ARHGAP28: variants seen among roughly 807,000 people sequenced by gnomAD.
The protein encoded by ARHGAP28 is Rho GTPase activating protein 28, also known as rho GTPase-activating protein 28.
Under a neutral mutation model 90.7 loss-of-function variants are expected in ARHGAP28, and 56 were observed. The ratio of observed to expected loss-of-function variants is 0.62; its 90% CI spans 0.50 to 0.77. The LOEUF is 0.77. Ranked by LOEUF, ARHGAP28 falls within the 30% of genes least tolerant of loss-of-function variation. The pLI is 0.00. For synonymous variants in ARHGAP28, 308 were observed against 323.3 expected (o/e 0.95, Z 0.51); for missense variants, 869 against 900.9 (o/e 0.96, Z 0.45).
chr18:6,901,552 A>C (rs1023939780), intron 16 of ARHGAP28, among the ~76,000 whole-genome samples: 2 of 152,056 alleles, frequency 1.3e-5, no homozygotes, highest in Non-Finnish European at 1.5e-5. Context: ...AAAAAAAAAA[A>C]AAAAACAGCC....
chr18:6,731,623 G>T (rs1449199751), intron 1 of ARHGAP28, among the ~76,000 whole-genome samples: 1 of 152,138 alleles, frequency 6.6e-6, no homozygotes, highest in African/African-American at 2.4e-5. Context: ...CTCTGTCTAT[G>T]GGAGCCTTGG....
intron 1 of ARHGAP28, among the ~76,000 whole-genome samples, chr18:6,809,710 A>G (rs1455077442): frequency 1.3e-5 from 2 of 152,160 alleles, no homozygotes; most frequent in Non-Finnish European, 2.9e-5. Flanking sequence ...GTGCTAAACC[A>G]TTAGAAACCA....
chr18:6,841,592 A>T (rs1022638202), intron 3 of ARHGAP28, among the ~76,000 whole-genome samples: 16 of 152,062 alleles, frequency 1.1e-4, no homozygotes, highest in African/African-American at 3.9e-4. Context: ...TTCTTCTCTT[A>T]ATTTTTTTTT....
intron 1 of ARHGAP28, among the ~76,000 whole-genome samples, chr18:6,787,423 G>C (rs979752145): frequency 1.3e-5 from 2 of 152,032 alleles, no homozygotes; most frequent in Non-Finnish European, 2.9e-5. Flanking sequence ...CAATGAGAAT[G>C]GTTATTAAGA....
chr18:6,802,335 C>CTTTTTTTTTTT lies in ARHGAP28; in HGVS notation c.123-22409_123-22399dup, dbSNP rs35950139. On this transcript the variant is annotated intron_variant, in intron 1 of 17. Transcript: ENST00000383472. ...GGATCATATGGATCATATGGTAGTT[C>CTTTTTTTTTTT]TTTTTTTTTTTTTTTTTTTTTTTTT... Among the ~76,000 whole-genome samples, 11 of 52,762 alleles carry CTTTTTTTTTTT rather than the reference C, an allele frequency of 2.1e-4. 3 individuals carry two copies. The highest frequency in any genetic ancestry group is 4.5e-4 in the African/African-American group (6 of 13,308). 34.6% of individuals were successfully genotyped at this position (52,762 alleles called of 152,430 possible).
At chr18:6,868,610 TG>T (rs1238039998) in intron 6 of ARHGAP28, among the ~76,000 whole-genome samples, 1 of 41,336 alleles carries the variant, frequency 2.4e-5, no homozygotes, top group Non-Finnish European at 8.7e-5. Context: ...CAGAGCAGCT[TG>T]CCCCCTGACA....
chr18:6,826,928 G>T (rs1049547800), intron 2 of ARHGAP28, among the ~76,000 whole-genome samples: 1 of 152,038 alleles, frequency 6.6e-6, no homozygotes, highest in African/African-American at 2.4e-5. Flanking sequence ...GTTTAACAAA[G>T]CACATCTTGC....
rs1225045075 is a variant in ARHGAP28 at position 6,913,834 on chromosome 18, G to A, written c.*1680G>A. ...ATTCATTTTTAATGTATGGGTAATT[G>A]GTGGCACATGACTTTACATAATGAC... On this transcript the variant is annotated 3_prime_UTR_variant, in exon 18 of 18. Transcript: ENST00000383472. The A allele has an allele frequency of 1.3e-5, 2 of 151,626 alleles. No individual in the cohort carries two copies. The highest frequency in any genetic ancestry group is 2.4e-5 in the African/African-American group (1 of 41,212). The allele number at this position is 151,626 out of a possible 1,614,324, so 9.4% of individuals were successfully genotyped here. A position where few individuals can be genotyped will look rare whatever the true frequency, so the allele number is the denominator to read the frequency against.
At position 6,840,709 on chromosome 18, in the gene ARHGAP28, G is replaced by C. The variant is rs1035888207; in HGVS notation, c.543+3295G>C. On this transcript the variant is annotated intron_variant, in intron 3 of 17. Transcript: ENST00000383472. ...CTGCTGCTGAAGTCTCAGTTCTAGA[G>C]AGAATTGAGAATGGGGACTAAGGAA... Among the ~76,000 whole-genome samples the C allele has an allele frequency of 4.6e-5, 7 of 152,158 alleles. 1 individual carries two copies.
At chr18:6,904,718 A>C (rs1193431990) in intron 16 of ARHGAP28, among the ~76,000 whole-genome samples, 1 of 152,182 alleles carries the variant, frequency 6.6e-6, no homozygotes, top group Non-Finnish European at 1.5e-5. Flanking sequence ...GATGACACAA[A>C]TCAAGAATAT....
At chr18:6,762,347 C>T (rs2056167209) in intron 1 of ARHGAP28, among the ~76,000 whole-genome samples, 1 of 152,312 alleles carries the variant, frequency 6.6e-6, no homozygotes, top group East Asian at 1.9e-4. Flanking sequence ...TTTTATACCA[C>T]CTTATAAGGC....
intron 2 of ARHGAP28, among the ~76,000 whole-genome samples, chr18:6,835,909 T>C (rs1179358639): frequency 6.6e-6 from 1 of 152,190 alleles, no homozygotes; most frequent in African/African-American, 2.4e-5. Flanking sequence ...ATTATTACTC[T>C]CACTGTTGTA....
chr18:6,852,099 A>G (rs79124352), intron 4 of ARHGAP28, among the ~76,000 whole-genome samples: 2,828 of 152,280 alleles, frequency 0.019, 98 homozygotes, highest in African/African-American at 0.065. Context: ...AAGTCCATTG[A>G]ACGTCTTATA....
chr18:6,890,043 C>T lies in ARHGAP28; in HGVS notation c.1692C>T (p.His564=), dbSNP rs1050488106. 15 of 1,614,106 alleles carry T rather than the reference C, an allele frequency of 9.3e-6. No individual in the cohort carries two copies. Among genetic ancestry groups the T allele is most frequent in the Non-Finnish European group, 1.3e-5 (15 of 1,180,052 alleles). ...TACTGTTAGCAAACACTGCGGCCCACATCATCCGCCTAATGCTTAAGTACC... is the reference window on the plus strand; with the variant it reads ...TACTGTTAGCAAACACTGCGGCCCATATCATCCGCCTAATGCTTAAGTACC... ...EELLLANTAA[H]IIRLMLKYQK... The change falls in exon 13 of 18, where the codon CAC becomes CAT. Residue 564 remains histidine (H), a synonymous_variant. Coordinates refer to ENST00000383472, the MANE Select transcript of ARHGAP28 (RefSeq NM_001366230.1).
At chr18:6,911,289 A>C (rs1357659445) in intron 17 of ARHGAP28, among the ~76,000 whole-genome samples, 1 of 152,202 alleles carries the variant, frequency 6.6e-6, no homozygotes, top group Non-Finnish European at 1.5e-5. Context: ...AAGAAACAAA[A>C]TGACCATTCC....
In ARHGAP28 at chr18:6,868,220, A is replaced by G. The variant is rs1299718655; in HGVS notation, c.797A>G (p.Gln266Arg). Residue 266 changes from glutamine (Q) to arginine (R), a missense_variant, in exon 6 of 18, where the codon CAG (glutamine) becomes CGG (arginine). Coordinates refer to ENST00000383472, the MANE Select transcript of ARHGAP28 (RefSeq NM_001366230.1). ...NGSPEPGQPVQNAISDDDFLE... is the reference protein window; with the variant it reads ...NGSPEPGQPVRNAISDDDFLE... ...TCACCGGAGCCTGGACAGCCAGTTC[A>G]GAATGCGATAAGTGGTGAGCGGCAT... 1.1e-5 allele frequency: 18 copies of G among 1,614,148 alleles called. No individual in the cohort carries two copies. Among genetic ancestry groups the G allele is most frequent in the Admixed American group, 1.7e-5 (1 of 60,026 alleles).
At chr18:6,824,663 T>G (rs988711377) in intron 1 of ARHGAP28, 99 bp from the exon 2 acceptor site, 6 of 1,103,098 alleles carry the variant, frequency 5.4e-6, no homozygotes, top group Non-Finnish European at 7.5e-6. Context: ...CTCCATTTGA[T>G]TTAAACTTAA....
chr18:6,874,736 A>T (rs1243298391), intron 9 of ARHGAP28: 1 of 152,110 alleles, frequency 6.6e-6, no homozygotes, highest in Non-Finnish European at 1.5e-5. Flanking sequence ...AGCCAGGAAG[A>T]TGGCACCGAG....
chr18:6,887,436 T>G (rs2057231209), intron 12 of ARHGAP28, among the ~76,000 whole-genome samples, 197 bp downstream of exon 12: 1 of 148,826 alleles, frequency 6.7e-6, no homozygotes, highest in South Asian at 2.2e-4. Context: ...TCTTGTTTTT[T>G]TTTTTTTTTT....
Sources: allele counts gnomAD v4.1 joint callset (sites outside exome capture counted in the v4.1 genomes callset), GRCh38; gene constraint gnomAD v4.1.1; transcripts MANE v1.5; gene names NCBI Gene and HGNC (gene_info 2026-07-23, HGNC 2026-07-21).